Variants in MARCHF10 observed in about 807,000 individuals in gnomAD.
MARCHF10 encodes the protein membrane associated ring-CH-type finger 10.
In MARCHF10, 64 loss-of-function variants were observed where a neutral mutation model predicts 76.2. The ratio of observed to expected loss-of-function variants is 0.84; its 90% CI spans 0.69 to 1.03. The LOEUF is 1.03. Among genes scored for constraint, MARCHF10 ranks in the 50% least tolerant of loss-of-function variants. The pLI is 0.00. For synonymous variants in MARCHF10, 340 were observed against 357.5 expected (o/e 0.95, Z 0.55); for missense variants, 875 against 958.0 (o/e 0.91, Z 1.14).
intron 6 of MARCHF10, chr17:62,725,976 A>T (rs2090737895): frequency 6.6e-6 from 1 of 152,192 alleles, no homozygotes; most frequent in African/African-American, 2.4e-5. Flanking sequence ...AAGTACATCT[A>T]GTGTCTGGCA....
chr17:62,727,306 G>C (rs1318419083), intron 6 of MARCHF10, among the ~76,000 whole-genome samples: 2 of 152,134 alleles, frequency 1.3e-5, no homozygotes, highest in Non-Finnish European at 2.9e-5. Flanking sequence ...GTGAAGAAGA[G>C]ACAGAAAAGC....
At chr17:62,732,048 TAAC>T (rs1289923044) in intron 6 of MARCHF10, among the ~76,000 whole-genome samples, 1 of 152,014 alleles carries the variant, frequency 6.6e-6, no homozygotes. Flanking sequence ...CAATAGCAAA[TAAC>T]AACAAATAAA....
At chr17:62,720,553 G>A (rs1208325660) in intron 8 of MARCHF10, among the ~76,000 whole-genome samples, 1 of 152,204 alleles carries the variant, frequency 6.6e-6, no homozygotes, top group East Asian at 1.9e-4. Flanking sequence ...TTTCTCCTGA[G>A]GGCAAACTGT....
chr17:62,721,935 G>GT (rs1336381970), intron 8 of MARCHF10, among the ~76,000 whole-genome samples: 1 of 151,998 alleles, frequency 6.6e-6, no homozygotes, highest in Non-Finnish European at 1.5e-5. Flanking sequence ...GCCCACTGAA[G>GT]CTTCTTACTT....
At chr17:62,774,762 T>G (rs2092515902) in intron 3 of MARCHF10, among the ~76,000 whole-genome samples, 1 of 152,092 alleles carries the variant, frequency 6.6e-6, no homozygotes, top group Admixed American at 6.5e-5. Flanking sequence ...CTTAAAAATC[T>G]GCATCCTCAA....
At chr17:62,787,483 T>C (rs2092765692) in intron 3 of MARCHF10, among the ~76,000 whole-genome samples, 1 of 152,200 alleles carries the variant, frequency 6.6e-6, no homozygotes, top group Admixed American at 6.5e-5. Context: ...GGCATATTAC[T>C]CATCTTAAAT....
At chr17:62,705,042 T>C (rs12939531) in intron 10 of MARCHF10, 38,247 of 1,002,448 alleles carry the variant, frequency 0.038, 1,005 homozygotes, top group African/African-American at 0.12. Context: ...GGCCCTTTCT[T>C]GGGAGACCTG....
In MARCHF10 at chr17:62,786,893, G is replaced by A. The variant is rs528508954; in HGVS notation, c.210+1587C>T. On this transcript the variant is annotated intron_variant, in intron 3 of 10. Transcript: ENST00000311269. ...TGCAGAGGCACCCAGATGCCCACTT[G>A]TTTAGCAATTCCAATCTGGGAAGAC... is the stretch of plus-strand genomic sequence containing the variant. Among the ~76,000 whole-genome samples, 7 of 152,316 alleles carry A rather than the reference G, an allele frequency of 4.6e-5. No individual in the cohort carries two copies. The South Asian group carries it at 1.5e-3, about 32-fold the overall frequency.
At chr17:62,753,502 G>A (rs1053175602) in intron 4 of MARCHF10, among the ~76,000 whole-genome samples, 2 of 152,206 alleles carry the variant, frequency 1.3e-5, no homozygotes, top group African/African-American at 4.8e-5. Flanking sequence ...ACTGGGGCCT[G>A]AGGTTCTGCA....
intron 3 of MARCHF10, among the ~76,000 whole-genome samples, chr17:62,760,811 A>G (rs994414601): frequency 6.6e-6 from 1 of 152,194 alleles, no homozygotes; most frequent in Non-Finnish European, 1.5e-5. Context: ...CAAATAAATC[A>G]CTAGGTTCCC....
At position 62,736,927 on chromosome 17, in the gene MARCHF10, T is replaced by G; in HGVS notation, c.941A>C (p.His314Pro). The change falls in exon 6 of 11, where the codon CAC becomes CCC. Residue 314 changes from histidine (H) to proline (P), a missense_variant. His to Pro is a moderately conservative substitution (Grantham distance 77). Coordinates refer to ENST00000311269, the MANE Select transcript of MARCHF10 (RefSeq NM_152598.4). ...TGTCCCCCCAAATCTACTTCTTTTG[T>G]GATGGGAAGGAGAACAGGGTGAGCG... ...GVRSPCSPSH[H>P]KRSRFGGTST... 6.2e-7 allele frequency: 1 copy of G among 1,614,132 alleles called. No individual in the cohort carries two copies. Among genetic ancestry groups the G allele is most frequent in the Non-Finnish European group, 8.5e-7 (1 of 1,180,032 alleles).
At chr17:62,724,186 A>AT (rs11462196) in intron 7 of MARCHF10, among the ~76,000 whole-genome samples, 56,136 of 138,236 alleles carry the variant, frequency 0.41, 11,063 homozygotes, top group African/African-American at 0.48. Flanking sequence ...TGTTCCATGC[A>AT]TTTTTTTTTT....
At chr17:62,778,651 C>G (rs576827953) in intron 3 of MARCHF10, among the ~76,000 whole-genome samples, 103 of 146,692 alleles carry the variant, frequency 7.0e-4, no homozygotes, top group African/African-American at 2.3e-3. Context: ...CCACTGCACT[C>G]CAGCCTGGGT....
chr17:62,761,684 A>G (rs2092207291), intron 3 of MARCHF10, among the ~76,000 whole-genome samples: 1 of 152,138 alleles, frequency 6.6e-6, no homozygotes, highest in African/African-American at 2.4e-5. Context: ...AGCCTCCCAA[A>G]GTTCTGGGAT....
At chr17:62,705,377 T>C in intron 10 of MARCHF10, 162 bp downstream of exon 10, 2 of 1,532,594 alleles carry the variant, frequency 1.3e-6, no homozygotes, top group South Asian at 2.5e-5. Flanking sequence ...CTCGCCTTCC[T>C]GATTGTTTGC....
intron 1 of MARCHF10, among the ~76,000 whole-genome samples, chr17:62,806,088 G>A (rs1215531241): frequency 2.0e-5 from 3 of 151,856 alleles, no homozygotes; most frequent in East Asian, 3.9e-4. Flanking sequence ...CAAATATTAC[G>A]GGAACCAAGA....
chr17:62,794,953 G>A (rs1275115999), intron 2 of MARCHF10: 1 of 895,444 alleles, frequency 1.1e-6, no homozygotes, highest in Non-Finnish European at 1.3e-6. Context: ...AAAACAGTTT[G>A]AGATAGTATT....
chr17:62,713,394 G>T (rs2090029999), intron 8 of MARCHF10, among the ~76,000 whole-genome samples: 1 of 152,360 alleles, frequency 6.6e-6, no homozygotes, highest in Non-Finnish European at 1.5e-5. Context: ...GAGGCATGCA[G>T]ATGGGAGAAT....
At chr17:62,743,322 A>T (rs367547238) in intron 5 of MARCHF10, among the ~76,000 whole-genome samples, 1 of 152,216 alleles carries the variant, frequency 6.6e-6, no homozygotes, top group Non-Finnish European at 1.5e-5. Context: ...TTCAATATGT[A>T]TATATGTCCA....
Sources: allele counts gnomAD v4.1 joint callset (sites outside exome capture counted in the v4.1 genomes callset), GRCh38; gene constraint gnomAD v4.1.1; transcripts MANE v1.5; gene names NCBI Gene and HGNC (gene_info 2026-07-23, HGNC 2026-07-21).